ZNF521: variants seen among roughly 807,000 people sequenced by gnomAD.
ZNF521 encodes LYST-interacting protein 3.
In ZNF521, 14 loss-of-function variants were observed where a neutral mutation model predicts 105.5. The observed-to-expected ratio is 0.13, with a 90% confidence interval of 0.09 to 0.21. The LOEUF (loss-of-function observed/expected upper bound fraction) is 0.21, where lower values mean the gene tolerates loss of function less well. ZNF521 is among the 10% of genes least tolerant of loss of function. The pLI is 1.00. For missense variants in ZNF521, 1,233 were observed against 1,629.7 expected (o/e 0.76, Z 4.19); for synonymous variants, 635 against 606.0 (o/e 1.05, Z -0.70).
chr18:25,288,442 C>T (rs1363346747), intron 3 of ZNF521, among the ~76,000 whole-genome samples: 2 of 152,068 alleles, frequency 1.3e-5, no homozygotes, highest in East Asian at 1.9e-4. Context: ...TCTTTCCTTT[C>T]GGGTTTTAGC....
At position 25,066,271 on chromosome 18, in the gene ZNF521, G is replaced by A. The variant is rs550859112; in HGVS notation, c.3907-3530C>T. Among the ~76,000 whole-genome samples the A allele has an allele frequency of 1.9e-4, 29 of 152,290 alleles. No individual in the cohort carries two copies. The East Asian group carries it at 4.1e-3, about 21-fold the overall frequency. On this transcript the variant is annotated intron_variant, in intron 7 of 7. Coordinates refer to ENST00000361524, the MANE Select transcript of ZNF521 (RefSeq NM_015461.3). ...ACGTTCCTAGAGCTTCTTGGGCAAT[G>A]GATATACTTGTGTTGGAAACAACCC...
chr18:25,149,679 T>C (rs2035009705), intron 5 of ZNF521, among the ~76,000 whole-genome samples: 1 of 152,152 alleles, frequency 6.6e-6, no homozygotes, highest in Non-Finnish European at 1.5e-5. Context: ...GACATTTCTG[T>C]TGCAACCTTT....
At chr18:25,137,868 T>A (rs992007639) in intron 5 of ZNF521, among the ~76,000 whole-genome samples, 1 of 152,188 alleles carries the variant, frequency 6.6e-6, no homozygotes, top group African/African-American at 2.4e-5. Context: ...GGATGCCTAA[T>A]CCTAAGGCCA....
intron 3 of ZNF521, among the ~76,000 whole-genome samples, chr18:25,309,342 C>T (rs1292772215): frequency 5.9e-5 from 9 of 152,202 alleles, no homozygotes; most frequent in African/African-American, 2.2e-4. Context: ...AACAGAGAGA[C>T]ACTTTGGTGG....
At chr18:25,120,582 T>TAAAACAA (rs1555636080) in intron 5 of ZNF521, among the ~76,000 whole-genome samples, 398 of 11,234 alleles carry the variant, frequency 0.035, 4 homozygotes, top group African/African-American at 0.062. Flanking sequence ...AAACTCCATC[T>TAAAACAA]AAAAAAAAAA....
intron 5 of ZNF521, among the ~76,000 whole-genome samples, chr18:25,132,593 A>C (rs1328970720): frequency 6.6e-6 from 1 of 152,152 alleles, no homozygotes; most frequent in Admixed American, 6.5e-5. Context: ...GGCTCCCAGT[A>C]GTGATTCCTC....
intron 4 of ZNF521, among the ~76,000 whole-genome samples, chr18:25,219,034 C>A (rs943838155): frequency 1.3e-5 from 2 of 152,194 alleles, no homozygotes; most frequent in East Asian, 3.9e-4. Flanking sequence ...TGATGCTCCA[C>A]TTCCACTTAA....
At chr18:25,349,269 G>C (rs1031435742) in intron 2 of ZNF521, among the ~76,000 whole-genome samples, 3 of 152,138 alleles carry the variant, frequency 2.0e-5, no homozygotes, top group Admixed American at 2.0e-4. Flanking sequence ...TCGCCGGCGC[G>C]AGCCTGGTCC....
chr18:25,179,923 A>G (rs914148245), intron 5 of ZNF521, among the ~76,000 whole-genome samples: 28 of 152,362 alleles, frequency 1.8e-4, no homozygotes, highest in African/African-American at 6.0e-4. Context: ...CCATAAAAAT[A>G]GAAAACCATA....
chr18:25,140,757 G>C (rs1015278413), intron 5 of ZNF521, among the ~76,000 whole-genome samples: 2 of 152,252 alleles, frequency 1.3e-5, no homozygotes, highest in African/African-American at 4.8e-5. Context: ...CATTTGTATT[G>C]GTCCTGTTAC....
intron 3 of ZNF521, among the ~76,000 whole-genome samples, chr18:25,313,614 TG>T (rs1912443327): frequency 6.6e-6 from 1 of 152,192 alleles, no homozygotes; most frequent in Non-Finnish European, 1.5e-5. Flanking sequence ...GGAGGTTTTG[TG>T]AAGTATTTTT....
intron 5 of ZNF521, among the ~76,000 whole-genome samples, chr18:25,149,797 A>C (rs1391382067): frequency 6.6e-6 from 1 of 152,228 alleles, no homozygotes; most frequent in Non-Finnish European, 1.5e-5. Flanking sequence ...CATAGAGTCC[A>C]TAATGAAAGA....
At chr18:25,099,025 T>A (rs1028479312) in intron 5 of ZNF521, among the ~76,000 whole-genome samples, 1 of 152,158 alleles carries the variant, frequency 6.6e-6, no homozygotes, top group Non-Finnish European at 1.5e-5. Flanking sequence ...GCTCTGACCA[T>A]CTCAATGCCA....
chr18:25,227,217 C>A lies in ZNF521; in HGVS notation c.701G>T (p.Gly234Val), dbSNP rs753518706. 5 of 1,614,054 alleles carry A rather than the reference C, an allele frequency of 3.1e-6. No individual in the cohort carries two copies. The highest frequency in any genetic ancestry group is 4.2e-6 in the Non-Finnish European group (5 of 1,180,026). Reference protein sequence around the residue: ...HERNKDGSQSGSRMEDWKMKD... With the variant: ...HERNKDGSQSVSRMEDWKMKD... ...CATCTTCCAGTCCTCCATCCTGGAA[C>A]CGGACTGAGAGCCGTCCTTGTTCCT... Residue 234 changes from glycine to valine, a missense_variant, in exon 4 of 8, where the codon GGT (glycine) becomes GTT (valine). By Grantham distance (109) the Gly-to-Val change is moderately radical (BLOSUM62 -3). Transcript: ENST00000361524. The surrounding 1 kb of genome is among the most constrained non-coding windows in gnomAD (Gnocchi z 5.7).
intron 4 of ZNF521, among the ~76,000 whole-genome samples, chr18:25,196,655 C>T (rs993305485): frequency 4.0e-5 from 6 of 151,664 alleles, no homozygotes; most frequent in Non-Finnish European, 8.9e-5. Flanking sequence ...AAATCTAACA[C>T]GGACTTCAAA....
chr18:25,067,427 A>G (rs145083374), intron 7 of ZNF521, among the ~76,000 whole-genome samples: 2 of 152,322 alleles, frequency 1.3e-5, no homozygotes, highest in East Asian at 3.9e-4. Context: ...CTTTTTAAAT[A>G]TGAGATGCCT....
intron 7 of ZNF521, among the ~76,000 whole-genome samples, chr18:25,066,966 G>A (rs1734432868): frequency 6.6e-6 from 1 of 152,166 alleles, no homozygotes; most frequent in Non-Finnish European, 1.5e-5. Context: ...CCAATGAAGG[G>A]AAAGTGTTTT....
intron 5 of ZNF521, among the ~76,000 whole-genome samples, chr18:25,139,910 A>T (rs1000691858): frequency 6.6e-6 from 1 of 152,100 alleles, no homozygotes; most frequent in African/African-American, 2.4e-5. Context: ...AATCCCGAAT[A>T]ACTTCCTTGC....
chr18:25,282,763 C>T (rs1910458820), intron 3 of ZNF521, among the ~76,000 whole-genome samples: 1 of 151,394 alleles, frequency 6.6e-6, no homozygotes. Flanking sequence ...CTTTTTTTTC[C>T]CCCCTTTAGG....
Sources: gnomAD v4.1 joint callset for allele counts (sites outside exome capture counted in the v4.1 genomes callset) on GRCh38, gnomAD v4.1.1 for gene constraint, Gnocchi (gnomAD v3.1) non-coding constraint, MANE v1.5 for transcripts, NCBI Gene and HGNC (gene_info 2026-07-23, HGNC 2026-07-21) for gene names.